RANBP17: variants seen among roughly 807,000 people sequenced by gnomAD.
RANBP17 encodes the protein ran-binding protein 17.
Under a neutral mutation model 141.2 loss-of-function variants are expected in RANBP17, and 158 were observed. The observed-to-expected ratio is 1.12, with a 90% confidence interval of 0.98 to 1.28. The LOEUF (loss-of-function observed/expected upper bound fraction) is 1.28. Among genes scored for constraint, RANBP17 ranks in the 50% most tolerant of loss-of-function variants. The pLI is 0.00. For missense variants in RANBP17, 1,438 were observed against 1,290.7 expected (o/e 1.11, Z -1.75); for synonymous variants, 430 against 450.0 (o/e 0.96, Z 0.56).
chr5:171,000,183 A>G (rs926559883), intron 14 of RANBP17, among the ~76,000 whole-genome samples: 2 of 152,222 alleles, frequency 1.3e-5, no homozygotes, highest in African/African-American at 4.8e-5. Flanking sequence ...AGCTATCATG[A>G]ATAATGCTGC....
At chr5:171,147,106 C>T (rs1056577035) in intron 14 of RANBP17, among the ~76,000 whole-genome samples, 1 of 151,934 alleles carries the variant, frequency 6.6e-6, no homozygotes, top group Non-Finnish European at 1.5e-5. Flanking sequence ...AGAGGGGTGC[C>T]ACTGTCATCT....
intron 18 of RANBP17, among the ~76,000 whole-genome samples, chr5:171,198,547 A>G (rs950895274): frequency 3.3e-5 from 5 of 152,236 alleles, no homozygotes; most frequent in African/African-American, 1.2e-4. Flanking sequence ...ATTCACAGGC[A>G]TCTGAATCAT....
intron 14 of RANBP17, among the ~76,000 whole-genome samples, chr5:171,040,339 A>C (rs1306567146): frequency 6.6e-6 from 1 of 152,190 alleles, no homozygotes; most frequent in Non-Finnish European, 1.5e-5. Context: ...AAAGTCTCAG[A>C]GTCAGAGCCA....
intron 14 of RANBP17, among the ~76,000 whole-genome samples, chr5:171,168,257 G>A (rs1305142983): frequency 6.6e-6 from 1 of 152,154 alleles, no homozygotes; most frequent in Non-Finnish European, 1.5e-5. Flanking sequence ...AGCCTTCAGA[G>A]GAGATGACTT....
chr5:171,233,566 A>G (rs1389387507), intron 22 of RANBP17, among the ~76,000 whole-genome samples: 1 of 152,232 alleles, frequency 6.6e-6, no homozygotes, highest in Non-Finnish European at 1.5e-5. Context: ...ACTAAAAAAA[A>G]ATAAATAAAG....
chr5:171,223,387 AC>A (rs200279330), intron 22 of RANBP17, among the ~76,000 whole-genome samples: 4,969 of 152,320 alleles, frequency 0.033, 149 homozygotes, highest in East Asian at 0.12. Flanking sequence ...TAATCCCAGC[AC>A]TTTGGGAGGC....
At position 170,878,242 on chromosome 5, in the gene RANBP17, C is replaced by G; in HGVS notation, c.164C>G (p.Thr55Arg). 1.9e-6 allele frequency: 3 copies of G among 1,603,550 alleles called. No individual in the cohort carries two copies. The highest frequency in any genetic ancestry group is 2.6e-6 in the Non-Finnish European group (3 of 1,175,406). Residue 55 changes from threonine to arginine, a missense_variant and splice_region_variant, in exon 2 of 28, where the codon ACA becomes AGA. Transcript: ENST00000523189. ...TGTCAACTTTTATTAGAACAAGGAA[C>G]AGTAAGTATTTGGTAACAATGATTA... ...SKCQLLLEQG[T>R]TSYAQLLAAT...
At chr5:171,014,479 T>A (rs545315713) in intron 14 of RANBP17, among the ~76,000 whole-genome samples, 26 of 152,152 alleles carry the variant, frequency 1.7e-4, no homozygotes, top group African/African-American at 6.3e-4. Context: ...TTAGTTATGC[T>A]TTAGGGTTTA....
chr5:171,103,339 CTT>C (rs1173194635), intron 14 of RANBP17, among the ~76,000 whole-genome samples: 16 of 152,210 alleles, frequency 1.1e-4, no homozygotes, highest in Admixed American at 1.0e-3. Flanking sequence ...GCTACAGCGA[CTT>C]TGCCTAGCTG....
chr5:171,291,784 T>G (rs148435868), intron 25 of RANBP17, among the ~76,000 whole-genome samples: 8 of 152,304 alleles, frequency 5.3e-5, no homozygotes, highest in Admixed American at 1.3e-4. Context: ...TTAAGCTGAT[T>G]TGCTCACTAA....
At chr5:171,077,219 A>C (rs1161205705) in intron 14 of RANBP17, among the ~76,000 whole-genome samples, 2 of 152,256 alleles carry the variant, frequency 1.3e-5, no homozygotes, top group East Asian at 3.9e-4. Flanking sequence ...GGGCGCCTGT[A>C]GTCCCAGCTA....
chr5:170,864,191 CAT>C (rs1317717054), intron 1 of RANBP17, among the ~76,000 whole-genome samples: 1 of 152,134 alleles, frequency 6.6e-6, no homozygotes, highest in Non-Finnish European at 1.5e-5. Flanking sequence ...CCTCATAACT[CAT>C]AAGTTCCGTG....
At chr5:170,999,961 AC>A (rs1374248981) in intron 14 of RANBP17, among the ~76,000 whole-genome samples, 2 of 152,076 alleles carry the variant, frequency 1.3e-5, no homozygotes, top group East Asian at 3.9e-4. Flanking sequence ...GATTGTGACA[AC>A]CCTAGGTACT....
At chr5:171,074,248 C>T (rs183368938) in intron 14 of RANBP17, among the ~76,000 whole-genome samples, 2 of 152,198 alleles carry the variant, frequency 1.3e-5, no homozygotes, top group East Asian at 1.9e-4. Flanking sequence ...CATATTAAAA[C>T]TCAGATTGAA....
chr5:171,110,313 T>C (rs1755134897), intron 14 of RANBP17, among the ~76,000 whole-genome samples: 1 of 152,050 alleles, frequency 6.6e-6, no homozygotes, highest in South Asian at 2.1e-4. Context: ...TAATAATATA[T>C]TTGGAGTTTA....
intron 14 of RANBP17, among the ~76,000 whole-genome samples, chr5:171,089,215 G>A (rs1427001004): frequency 8.9e-4 from 116 of 130,010 alleles, no homozygotes; most frequent in African/African-American, 3.1e-3. Context: ...GGAATACCCT[G>A]CAGTGTGAGG....
chr5:170,939,832 A>C (rs1774189022), intron 12 of RANBP17, among the ~76,000 whole-genome samples: 1 of 152,224 alleles, frequency 6.6e-6, no homozygotes, highest in Non-Finnish European at 1.5e-5. Flanking sequence ...AATTATTTTA[A>C]GTCCTTGTCT....
intron 22 of RANBP17, among the ~76,000 whole-genome samples, chr5:171,240,542 G>T (rs184029494): frequency 4.6e-5 from 7 of 152,154 alleles, no homozygotes; most frequent in Admixed American, 2.6e-4. Flanking sequence ...TCTCAGTCAG[G>T]TTATCTTTTT....
At chr5:171,104,177 A>G (rs1787383398) in intron 14 of RANBP17, among the ~76,000 whole-genome samples, 1 of 152,160 alleles carries the variant, frequency 6.6e-6, no homozygotes, top group African/African-American at 2.4e-5. Flanking sequence ...AGCTGGGGTT[A>G]CAGGCATGCA....
Sources: gnomAD v4.1 joint callset for allele counts (sites outside exome capture counted in the v4.1 genomes callset) on GRCh38, gnomAD v4.1.1 for gene constraint, MANE v1.5 for transcripts, NCBI Gene and HGNC (gene_info 2026-07-23, HGNC 2026-07-21) for gene names.